The following ANAPC7 variants were observed in gnomAD, a reference collection of about 807,000 sequenced individuals.
The protein encoded by ANAPC7 is anaphase promoting complex subunit 7.
ANAPC7 carries 25 observed loss-of-function variants against 63.3 expected under a neutral mutation model. That is an observed-to-expected ratio of 0.39 (90% CI 0.29 to 0.55). ANAPC7 has a LOEUF of 0.55. ANAPC7 is among the 20% of genes least tolerant of loss of function. ANAPC7 has a pLI of 0.57. For missense variants in ANAPC7, 516 were observed against 691.7 expected, an observed-to-expected ratio of 0.75 and a Z score of 2.85; for synonymous variants, 241 against 251.7, an observed-to-expected ratio of 0.96 and a Z score of 0.40.
At chr12:110,387,409 G>C (rs1430795284) in intron 5 of ANAPC7, 3 of 132,812 alleles carry the variant, frequency 2.3e-5, no homozygotes, top group East Asian at 3.3e-4. Flanking sequence ...GAGAGAGAGA[G>C]AGAGAGAGAG....
intron 3 of ANAPC7, among the ~76,000 whole-genome samples, chr12:110,394,669 CAAAAAAAAAAAAAAA>C (rs779142936): frequency 4.7e-5 from 2 of 42,788 alleles, no homozygotes; most frequent in Non-Finnish European, 7.8e-5. Flanking sequence ...AATTCCACCT[CAAAAAAAAAAAAAAA>C]AAAAAAAAAA....
intron 1 of ANAPC7, among the ~76,000 whole-genome samples, chr12:110,398,074 C>T (rs753190006): frequency 4.0e-5 from 6 of 151,864 alleles, no homozygotes; most frequent in African/African-American, 1.2e-4. Context: ...GGTGAAACCC[C>T]GTCTCTAGTA....
rs554489039 is a variant in ANAPC7 at position 110,391,938 on chromosome 12, A to G, written c.408+3163T>C. ...GAAACCCCGTCTCCACTAAAATGCA[A>G]AAAAGTAGCTGGGCGTGGTGGCACA... On this transcript the variant is annotated intron_variant, in intron 3 of 10. Transcript: ENST00000455511. 2.0e-5 allele frequency among the ~76,000 whole-genome samples: 3 copies of G among 152,146 alleles called. No homozygotes were observed. The East Asian group carries it at 5.8e-4, about 29-fold the overall frequency.
rs558411261 is a variant in ANAPC7 at position 110,376,006 on chromosome 12, C to A, written c.1508+60G>T. On this transcript the variant is annotated intron_variant, in intron 10 of 10. Transcript: ENST00000455511. The stretch of plus-strand genomic sequence containing the variant: ...GTGTGTTTCCATAACTCCTGTGACA[C>A]AGCTCACTGCCTCCTCTACCCTCCT... The A allele has an allele frequency of 4.9e-5, 74 of 1,512,990 alleles. No homozygotes were observed. In the African/African-American group the frequency reaches 8.9e-4, roughly 18 times the overall value. The allele number at this position is 1,512,990 out of a possible 1,614,324, so 93.7% of individuals were successfully genotyped here.
intron 1 of ANAPC7, among the ~76,000 whole-genome samples, chr12:110,397,301 C>T (rs1194786253): frequency 1.3e-5 from 2 of 149,884 alleles, no homozygotes; most frequent in Admixed American, 6.6e-5. Context: ...ACGCCTGTAA[C>T]CCCACCACTT....
In ANAPC7 at chr12:110,386,519, C is replaced by T. The variant is rs1017085373; in HGVS notation, c.675-50G>A. On this transcript the variant is annotated intron_variant, in intron 5 of 10. Transcript: ENST00000455511. ...AACCTTTAAATCTATTATAAATCCTCTTAGTTGCTGAATCTGGATGATTGG... is the reference window on the plus strand; with the variant it reads ...AACCTTTAAATCTATTATAAATCCTTTTAGTTGCTGAATCTGGATGATTGG... 8 of 1,479,928 alleles carry T rather than the reference C, an allele frequency of 5.4e-6. No individual in the cohort carries two copies. In the South Asian group the frequency reaches 6.1e-5, roughly 11 times the overall value. The allele number at this position is 1,479,928 out of a possible 1,614,324, so 91.7% of individuals were successfully genotyped here.
At chr12:110,398,677 G>A (rs1211125611) in intron 1 of ANAPC7, among the ~76,000 whole-genome samples, 1 of 152,110 alleles carries the variant, frequency 6.6e-6, no homozygotes, top group Non-Finnish European at 1.5e-5. Context: ...CAGCAGGCCG[G>A]GGCATGGTGG....
At chr12:110,377,703 A>T (rs1341587020) in intron 8 of ANAPC7, 86 bp from the exon 9 acceptor site, 7 of 1,581,646 alleles carry the variant, frequency 4.4e-6, no homozygotes, top group Non-Finnish European at 6.0e-6. Flanking sequence ...CAAATTGCTA[A>T]CCTTCAAAGT....
intron 1 of ANAPC7, among the ~76,000 whole-genome samples, chr12:110,401,138 C>G (rs1203882363): frequency 6.6e-6 from 1 of 152,212 alleles, no homozygotes; most frequent in Non-Finnish European, 1.5e-5. Flanking sequence ...AAGGACTTTT[C>G]CCTTCTGACC....
chr12:110,394,520 T>G (rs1468197880), intron 3 of ANAPC7, among the ~76,000 whole-genome samples: 1 of 150,494 alleles, frequency 6.6e-6, no homozygotes, highest in Admixed American at 6.6e-5. Context: ...TCCCAGCTAC[T>G]CGGGAGGCTG....
intron 6 of ANAPC7, among the ~76,000 whole-genome samples, chr12:110,385,244 C>T (rs966722133): frequency 6.6e-6 from 1 of 152,104 alleles, no homozygotes; most frequent in Non-Finnish European, 1.5e-5. Flanking sequence ...CCTGCCTGGG[C>T]GACAAGAGTG....
chr12:110,389,336 T>C (rs1882900949), intron 3 of ANAPC7, among the ~76,000 whole-genome samples: 1 of 152,170 alleles, frequency 6.6e-6, no homozygotes, highest in Admixed American at 6.5e-5. Context: ...ACTCTTGACA[T>C]AGCTAGTTAA....
rs772651852 is a variant in ANAPC7, at chr12:110,382,973, G to T, written c.818-13C>A. On this transcript the variant is annotated splice_polypyrimidine_tract_variant and intron_variant, in intron 6 of 10. Transcript: ENST00000455511. ...TATACATCCATTCCTAGAAGAGAAG[G>T]ACATAGTGAGAAGAGGTGTTTTAAG... The T allele has an allele frequency of 6.3e-7, 1 of 1,598,192 alleles. No individual in the cohort carries two copies.
rs377749384 is a variant in ANAPC7, at chr12:110,374,322, T to C, written c.1520A>G (p.Asn507Ser). 7.4e-6 allele frequency: 12 copies of C among 1,613,938 alleles called. No homozygotes were observed. Among genetic ancestry groups the C allele is most frequent in the South Asian group, 3.3e-5 (3 of 91,078 alleles). Reference sequence around the variant, plus strand: ...CATCCCCTCTAGAGACTTCTGGTCATTGGGGTCCAAACTAGGGGACAACAA... The same window carrying C: ...CATCCCCTCTAGAGACTTCTGGTCACTGGGGTCCAAACTAGGGGACAACAA... Reference protein sequence around the residue: ...QYSIALSLDPNDQKSLEGMQK... With the variant: ...QYSIALSLDPSDQKSLEGMQK... The change falls in exon 11 of 11, where the codon AAT (asparagine) becomes AGT (serine). Residue 507 changes from asparagine to serine, a missense_variant. By Grantham distance (46) the Asn-to-Ser change is conservative. Coordinates refer to ENST00000455511, the MANE Select transcript of ANAPC7 (RefSeq NM_016238.3).
intron 2 of ANAPC7, among the ~76,000 whole-genome samples, chr12:110,395,942 T>TG (rs1329958481): frequency 1.3e-5 from 2 of 152,038 alleles, no homozygotes. Context: ...TTTCCACAGA[T>TG]GGGGGGTGAG....
At chr12:110,384,187 G>A (rs1454450594) in intron 6 of ANAPC7, among the ~76,000 whole-genome samples, 1 of 151,814 alleles carries the variant, frequency 6.6e-6, no homozygotes, top group Non-Finnish European at 1.5e-5. Flanking sequence ...GGGCAACAGA[G>A]TAAGACTATG....
intron 2 of ANAPC7, 41 bp downstream of exon 2, chr12:110,396,225 C>CAA (rs369613988): frequency 0.011 from 14,071 of 1,264,310 alleles, 6 homozygotes; most frequent in Non-Finnish European, 0.012. Context: ...GAGTCTTTCT[C>CAA]AAAAAAAAAA....
chr12:110,397,557 CAAAA>C (rs536665095), intron 1 of ANAPC7, among the ~76,000 whole-genome samples: 1 of 98,412 alleles, frequency 1.0e-5, no homozygotes, highest in Non-Finnish European at 2.2e-5. Context: ...GATCTCGTCT[CAAAA>C]AAAAAAAAAA....
chr12:110,383,052 CTG>C lies in ANAPC7; in HGVS notation c.818-94_818-93del, dbSNP rs2137937991. Reference sequence around the variant, plus strand: ...GTAGCACCCAACATCAGACCCCATGCTGAGGCCCCAGCTCCTGCAGGGGCTAA... The same window carrying C: ...GTAGCACCCAACATCAGACCCCATGCAGGCCCCAGCTCCTGCAGGGGCTAA... On this transcript the variant is annotated intron_variant, in intron 6 of 10. Transcript: ENST00000455511. 4 of 891,656 alleles carry C rather than the reference CTG, an allele frequency of 4.5e-6. 1 individual carries two copies. In the South Asian group the frequency reaches 6.6e-5, roughly 15 times the overall value. The allele number at this position is 891,656 out of a possible 1,614,324, so 55.2% of individuals were successfully genotyped here. A position where few individuals can be genotyped will look rare whatever the true frequency, so the allele number is the denominator to read the frequency against.
Sources: allele counts gnomAD v4.1 joint callset (sites outside exome capture counted in the v4.1 genomes callset), GRCh38; gene constraint gnomAD v4.1.1; transcripts MANE v1.5; gene names NCBI Gene and HGNC (gene_info 2026-07-23, HGNC 2026-07-21).